The following DCC variants were observed in gnomAD, a reference collection of about 807,000 sequenced individuals.
DCC encodes the protein DCC netrin 1 receptor.
In DCC, 58 loss-of-function variants were observed where a neutral mutation model predicts 172.5. The observed-to-expected ratio is 0.34, with a 90% confidence interval of 0.27 to 0.42. DCC has a LOEUF of 0.42. DCC is among the 10% of genes least tolerant of loss of function. The pLI is 1.00. For synonymous variants in DCC, 709 were observed against 644.5 expected, an observed-to-expected ratio of 1.10 and a Z score of -1.52; for missense variants, 1,740 against 1,791.0, an observed-to-expected ratio of 0.97 and a Z score of 0.51.
At chr18:53,216,382 C>T (rs550718499) in intron 12 of DCC, among the ~76,000 whole-genome samples, 10 of 152,212 alleles carry the variant, frequency 6.6e-5, no homozygotes, top group Non-Finnish European at 1.3e-4. Context: ...TTTCTAAGCT[C>T]TGGGAGACAG....
At chr18:52,853,502 T>C (rs2145345012) in intron 2 of DCC, among the ~76,000 whole-genome samples, 1 of 152,298 alleles carries the variant, frequency 6.6e-6, no homozygotes, top group South Asian at 2.1e-4. Context: ...AAAAACCAGA[T>C]GTTCTGATTT....
intron 16 of DCC, among the ~76,000 whole-genome samples, chr18:53,387,113 T>A (rs1908222694): frequency 6.6e-6 from 1 of 152,208 alleles, no homozygotes. Context: ...ATGTTACTGA[T>A]GTTTGAAATT....
rs11426617 is a variant in DCC, at chr18:52,856,625, CAAAA to C, written c.413-49404_413-49401del. 2.3e-4 allele frequency among the ~76,000 whole-genome samples: 19 copies of C among 82,978 alleles called. 1 individual carries two copies. Among genetic ancestry groups the C allele is most frequent in the South Asian group, 1.2e-3 (2 of 1,726 alleles). 54.4% of individuals were successfully genotyped at this position (82,978 alleles called of 152,430 possible). A position where few individuals can be genotyped will look rare whatever the true frequency, so the allele number is the denominator to read the frequency against. On this transcript the variant is annotated intron_variant, in intron 2 of 28. Transcript: ENST00000442544. ...TGGGCGACAGAGCAAGACTCCATCT[CAAAA>C]AAAAAAAAAAAAAAGAAAACAAAAT...
chr18:53,361,499 G>GCTTTCCCT (rs1392564582), intron 15 of DCC, among the ~76,000 whole-genome samples: 1 of 152,114 alleles, frequency 6.6e-6, no homozygotes, highest in African/African-American at 2.4e-5. Flanking sequence ...GAGTGACAGG[G>GCTTTCCCT]AATGATCACA....
chr18:53,023,317 C>A lies in DCC; in HGVS notation c.986-39988C>A, dbSNP rs115427068. On this transcript the variant is annotated intron_variant, in intron 5 of 28. Coordinates refer to ENST00000442544, the MANE Select transcript of DCC (RefSeq NM_005215.4). ...CTAAAGAAATGTTTTCTTATAAGAC[C>A]CTAAAACTTAGAGTATAATAAAAAA... is the stretch of plus-strand genomic sequence containing the variant. Among the ~76,000 whole-genome samples, 238 of 144,530 alleles carry A rather than the reference C, an allele frequency of 1.6e-3. 1 individual carries two copies. The highest frequency in any genetic ancestry group is 5.9e-3 in the African/African-American group (233 of 39,306). 94.8% of individuals were successfully genotyped at this position (144,530 alleles called of 152,430 possible). A position where few individuals can be genotyped will look rare whatever the true frequency, so the allele number is the denominator to read the frequency against.
chr18:52,880,064 T>C (rs1207104644), intron 2 of DCC, among the ~76,000 whole-genome samples: 1 of 152,166 alleles, frequency 6.6e-6, no homozygotes, highest in Non-Finnish European at 1.5e-5. Context: ...TTTTTAAATG[T>C]ACTATCAGAT....
chr18:52,836,688 GCCC>G (rs1239989852), intron 2 of DCC, among the ~76,000 whole-genome samples: 5 of 152,204 alleles, frequency 3.3e-5, no homozygotes, highest in African/African-American at 1.2e-4. Context: ...GCAGGGCACA[GCCC>G]CCTCCTGGCT....
intron 15 of DCC, among the ~76,000 whole-genome samples, chr18:53,363,925 G>A (rs2057974723): frequency 6.6e-6 from 1 of 152,062 alleles, no homozygotes; most frequent in Non-Finnish European, 1.5e-5. Context: ...CATACCAGAG[G>A]TGCAAAAATC....
At chr18:52,357,660 T>C (rs1330195445) in intron 1 of DCC, among the ~76,000 whole-genome samples, 1 of 152,056 alleles carries the variant, frequency 6.6e-6, no homozygotes, top group Non-Finnish European at 1.5e-5. Flanking sequence ...TTCCGAAGAC[T>C]ATGGTATACA....
At chr18:53,062,824 T>A (rs541429154) in intron 5 of DCC, among the ~76,000 whole-genome samples, 5 of 152,258 alleles carry the variant, frequency 3.3e-5, no homozygotes, top group Admixed American at 2.6e-4. Context: ...CCTATCACCA[T>A]AGCCAGTTTC....
At chr18:52,360,110 C>A (rs1292880212) in intron 1 of DCC, among the ~76,000 whole-genome samples, 1 of 152,120 alleles carries the variant, frequency 6.6e-6, no homozygotes, top group Non-Finnish European at 1.5e-5. Flanking sequence ...TTAATTCTTG[C>A]AATGTTGTTT....
At chr18:53,005,661 GAGCTTGC>G (rs909155175) in intron 5 of DCC, among the ~76,000 whole-genome samples, 1 of 152,182 alleles carries the variant, frequency 6.6e-6, no homozygotes, top group African/African-American at 2.4e-5. Flanking sequence ...CCCAGAGGTG[GAGCTTGC>G]AGTGAGCTGA....
chr18:53,068,294 G>A (rs1267632431), intron 7 of DCC, among the ~76,000 whole-genome samples: 5 of 151,688 alleles, frequency 3.3e-5, no homozygotes, highest in Non-Finnish European at 7.4e-5. Flanking sequence ...TTAAGTTTTA[G>A]GGTACATGTG....
At chr18:52,978,862 A>G (rs2041163606) in intron 5 of DCC, among the ~76,000 whole-genome samples, 1 of 152,170 alleles carries the variant, frequency 6.6e-6, no homozygotes, top group South Asian at 2.1e-4. Context: ...AATGACTTCC[A>G]GCTCTATGCA....
chr18:53,247,467 C>A (rs2144650740), intron 12 of DCC, among the ~76,000 whole-genome samples: 1 of 152,108 alleles, frequency 6.6e-6, no homozygotes, highest in African/African-American at 2.4e-5. Flanking sequence ...AACTCCTCTA[C>A]TTTCATAGCT....
chr18:52,678,700 C>G (rs561020819), intron 1 of DCC, among the ~76,000 whole-genome samples: 1 of 152,242 alleles, frequency 6.6e-6, no homozygotes, highest in South Asian at 2.1e-4. Flanking sequence ...CACACACAGT[C>G]AGAAAAGTAG....
At chr18:53,231,052 C>T (rs866980440) in intron 12 of DCC, among the ~76,000 whole-genome samples, 4 of 151,514 alleles carry the variant, frequency 2.6e-5, no homozygotes, top group South Asian at 2.1e-4. Context: ...ATTTTTTCCT[C>T]CAGACTGAGG....
intron 12 of DCC, among the ~76,000 whole-genome samples, chr18:53,244,855 A>G (rs886345354): frequency 6.6e-6 from 1 of 152,138 alleles, no homozygotes; most frequent in African/African-American, 2.4e-5. Context: ...GATACTGTCT[A>G]TGAGATACCC....
chr18:52,583,939 T>C (rs911152721), intron 1 of DCC, among the ~76,000 whole-genome samples: 1 of 152,242 alleles, frequency 6.6e-6, no homozygotes, highest in Non-Finnish European at 1.5e-5. Flanking sequence ...ATTCTCTTTA[T>C]GTATTTTGCA....
Sources: allele counts gnomAD v4.1 joint callset (sites outside exome capture counted in the v4.1 genomes callset), GRCh38; gene constraint gnomAD v4.1.1; transcripts MANE v1.5; gene names NCBI Gene and HGNC (gene_info 2026-07-23, HGNC 2026-07-21).